CASD1: variants seen among roughly 807,000 people sequenced by gnomAD.
CASD1 encodes the protein N-acetylneuraminate (7)9-O-acetyltransferase.
In CASD1, 41 loss-of-function variants were observed where a neutral mutation model predicts 100.0. The ratio of observed to expected loss-of-function variants is 0.41; its 90% CI spans 0.32 to 0.53. CASD1 has a LOEUF of 0.53. Ranked by LOEUF, CASD1 falls within the 20% of genes least tolerant of loss-of-function variation. The probability of loss-of-function intolerance (pLI) is 0.25; values close to 1 mark genes in which losing one functional copy is unlikely to be tolerated. For synonymous variants in CASD1, 321 were observed against 315.6 expected, an observed-to-expected ratio of 1.02 and a Z score of -0.18; for missense variants, 774 against 948.7, an observed-to-expected ratio of 0.82 and a Z score of 2.42.
At chr7:94,630,016 C>G in the CASD1 span, 3 of 678,762 alleles carry the variant, frequency 4.4e-6, no homozygotes, top group Non-Finnish European at 7.1e-6. Context: ...GAAGTGATTT[C>G]AGGACAAAAT....
chr7:94,521,646 G>A (rs548530158), intron 3 of CASD1, among the ~76,000 whole-genome samples: 4 of 152,022 alleles, frequency 2.6e-5, no homozygotes, highest in African/African-American at 9.7e-5. Context: ...TGCCAAATAT[G>A]TATTTTATAC....
chr7:94,568,754 A>G, the CASD1 span, among the ~76,000 whole-genome samples: 2 of 152,328 alleles, frequency 1.3e-5, no homozygotes, highest in Non-Finnish European at 2.9e-5. Context: ...AACCCTCATG[A>G]ATGGGATTAT....
At chr7:94,585,600 G>A in the CASD1 span, 1 of 869,834 alleles carries the variant, frequency 1.1e-6, no homozygotes, top group Non-Finnish European at 2.0e-6. Context: ...TTATGGCAAG[G>A]AGAAAGTTTC....
intron 10 of CASD1, among the ~76,000 whole-genome samples, chr7:94,543,673 G>A (rs1030729300): frequency 1.3e-5 from 2 of 150,924 alleles, no homozygotes; most frequent in Non-Finnish European, 3.0e-5. Flanking sequence ...AAAAGGCAGT[G>A]TACAAGTTAT....
chr7:94,574,713 G>T, the CASD1 span, among the ~76,000 whole-genome samples: 13 of 151,676 alleles, frequency 8.6e-5, no homozygotes, highest in Non-Finnish European at 1.6e-4. Context: ...GCTCATGCGT[G>T]TAATCCCAGG....
At chr7:94,514,980 G>A (rs1403671699) in intron 1 of CASD1, among the ~76,000 whole-genome samples, 1 of 152,070 alleles carries the variant, frequency 6.6e-6, no homozygotes, top group Non-Finnish European at 1.5e-5. Context: ...TGAGAAAAGA[G>A]AATTTGTTTT....
chr7:94,516,089 G>A (rs968708283), intron 1 of CASD1, among the ~76,000 whole-genome samples: 14 of 150,920 alleles, frequency 9.3e-5, no homozygotes, highest in Admixed American at 2.0e-4. Context: ...AATAATTGGG[G>A]AAAATGAAGA....
downstream of CASD1, among the ~76,000 whole-genome samples, chr7:94,559,276 C>CTGTGTGTGTGTGTGTGTGTGTGTG (rs377655712): frequency 7.3e-6 from 1 of 137,504 alleles, no homozygotes; most frequent in African/African-American, 2.7e-5. Flanking sequence ...GTATATATGT[C>CTGTGTGTGTGTGTGTGTGTGTGTG]TGTGTGTGTG....
At chr7:94,590,824 T>C in the CASD1 span, 5 of 152,224 alleles carry the variant, frequency 3.3e-5, no homozygotes, top group African/African-American at 1.2e-4. Context: ...TGAAAACCAT[T>C]GATATGAATT....
In CASD1 at chr7:94,515,431, AT is replaced by A. The variant is rs1184933441; in HGVS notation, c.134-2128del. On this transcript the variant is annotated intron_variant, in intron 1 of 17. Coordinates refer to ENST00000297273, the MANE Select transcript of CASD1 (RefSeq NM_022900.5). Reference sequence around the variant, plus strand: ...TTTGCTATGGTTTTTTTTTTTTTTGATACGGGTTCATCAGATTAGAGCTATT... The same window carrying A: ...TTTGCTATGGTTTTTTTTTTTTTTGAACGGGTTCATCAGATTAGAGCTATT... Among the ~76,000 whole-genome samples, 830 of 141,776 alleles carry A rather than the reference AT, an allele frequency of 5.9e-3. 6 individuals carry two copies. The highest frequency in any genetic ancestry group is 0.021 in the African/African-American group (770 of 37,192). 93.0% of individuals were successfully genotyped at this position (141,776 alleles called of 152,430 possible). A position where few individuals can be genotyped will look rare whatever the true frequency, so the allele number is the denominator to read the frequency against.
chr7:94,539,344 C>T (rs918644273), intron 10 of CASD1, among the ~76,000 whole-genome samples: 5 of 152,116 alleles, frequency 3.3e-5, no homozygotes, highest in Non-Finnish European at 7.4e-5. Context: ...TTTATGCCAT[C>T]TTATTGAACA....
At chr7:94,607,854 A>T in the CASD1 span, among the ~76,000 whole-genome samples, 24 of 152,250 alleles carry the variant, frequency 1.6e-4, 1 homozygote, top group Non-Finnish European at 1.2e-4. Context: ...TTTGCAGATG[A>T]TATGATTCAA....
chr7:94,509,839 G>A lies in CASD1; in HGVS notation c.-246G>A. The A allele has an allele frequency of 1.0e-6, 1 of 1,004,492 alleles. No individual in the cohort carries two copies. 62.2% of individuals were successfully genotyped at this position (1,004,492 alleles called of 1,614,324 possible). A position where few individuals can be genotyped will look rare whatever the true frequency, so the allele number is the denominator to read the frequency against. On this transcript the variant is annotated 5_prime_UTR_variant, in exon 1 of 18. Transcript: ENST00000297273. ...AGGCGTCCAGGGCGCCTGGGGAACC[G>A]GCACGGCGGAGCAGCGGCGGCGGGG...
chr7:94,610,402 A>T, the CASD1 span, among the ~76,000 whole-genome samples: 1 of 152,184 alleles, frequency 6.6e-6, no homozygotes, highest in African/African-American at 2.4e-5. Context: ...TTTGTAACAA[A>T]TATACCACTC....
chr7:94,623,747 A>C, the CASD1 span: 164 of 396,172 alleles, frequency 4.1e-4, no homozygotes, highest in African/African-American at 2.8e-3. Context: ...CAAAAAAAAA[A>C]CAATAATTTT....
At chr7:94,598,811 T>C in the CASD1 span, 3 of 1,613,448 alleles carry the variant, frequency 1.9e-6, no homozygotes, top group Admixed American at 3.3e-5. Flanking sequence ...TGTGCTATCA[T>C]AGTTGTCTGT....
the CASD1 span, among the ~76,000 whole-genome samples, chr7:94,567,593 G>T: frequency 6.6e-6 from 1 of 152,100 alleles, no homozygotes; most frequent in Non-Finnish European, 1.5e-5. Flanking sequence ...TCTCAACATT[G>T]TGGTCATCTT....
At chr7:94,557,363 A>G (rs965506701), downstream of CASD1, among the ~76,000 whole-genome samples, 2 of 151,930 alleles carry the variant, frequency 1.3e-5, no homozygotes, top group Non-Finnish European at 2.9e-5. Context: ...ATCTTTTGAC[A>G]TTTCCCAGAT....
chr7:94,623,537 G>A, the CASD1 span: 1 of 636,192 alleles, frequency 1.6e-6, no homozygotes, highest in Non-Finnish European at 2.8e-6. Context: ...TTCCTTCTCT[G>A]GGCAATGAGA....
Sources: allele counts gnomAD v4.1 joint callset (sites outside exome capture counted in the v4.1 genomes callset), GRCh38; gene constraint gnomAD v4.1.1; transcripts MANE v1.5; gene names NCBI Gene and HGNC (gene_info 2026-07-23, HGNC 2026-07-21).